Variants in CDK11B observed in about 807,000 individuals in gnomAD.
The protein encoded by CDK11B is cyclin-dependent kinase 11B.
CDK11B carries 37 observed loss-of-function variants against 84.0 expected under a neutral mutation model. The ratio of observed to expected loss-of-function variants is 0.44; its 90% CI spans 0.34 to 0.58. The LOEUF (loss-of-function observed/expected upper bound fraction) is 0.58, where lower values mean the gene tolerates loss of function less well. Ranked by LOEUF, CDK11B falls within the 20% of genes least tolerant of loss-of-function variation. The probability of loss-of-function intolerance (pLI) is 0.02; values close to 1 mark genes in which losing one functional copy is unlikely to be tolerated. For missense variants in CDK11B, 427 were observed against 834.0 expected, an observed-to-expected ratio of 0.51 and a Z score of 6.01; for synonymous variants, 269 against 309.8, an observed-to-expected ratio of 0.87 and a Z score of 1.38.
chr1:1,646,854 T>C, intron 5 of CDK11B: 2 of 519,968 alleles, frequency 3.8e-6, no homozygotes, highest in Non-Finnish European at 7.7e-6. Context: ...CCATTGTTTC[T>C]AAGAAGTCAG....
chr1:1,639,233 G>T lies in CDK11B; in HGVS notation c.1252-643C>A, dbSNP rs1043506147. On this transcript the variant is annotated intron_variant, in intron 11 of 19. Coordinates refer to ENST00000341832, the MANE Select transcript of CDK11B (RefSeq NM_033486.3). ...TGGGATTACAGGTGTGAGCCACTGT[G>T]CCCGGTCAAAACTCCTTTCTACAAA... 2.6e-4 allele frequency among the ~76,000 whole-genome samples: 40 copies of T among 151,774 alleles called. 3 individuals are homozygous for T. The highest frequency in any genetic ancestry group is 5.9e-5 in the Non-Finnish European group (4 of 67,918).
At chr1:1,650,676 T>C (rs1439107577) in intron 4 of CDK11B, among the ~76,000 whole-genome samples, 1 of 149,734 alleles carries the variant, frequency 6.7e-6, no homozygotes, top group Non-Finnish European at 1.5e-5. Flanking sequence ...TTTTTTTTTT[T>C]TTTTTTTTTT....
intron 2 of CDK11B, among the ~76,000 whole-genome samples, chr1:1,655,705 C>T (rs1464940898): frequency 6.6e-5 from 10 of 151,656 alleles, no homozygotes; most frequent in African/African-American, 2.2e-4. Context: ...AGGCGGATCA[C>T]GAGGTCAGGA....
chr1:1,650,472 TCTC>T (rs1641852052), intron 4 of CDK11B, among the ~76,000 whole-genome samples: 1 of 148,798 alleles, frequency 6.7e-6, no homozygotes, highest in Non-Finnish European at 1.5e-5. Context: ...TTCACACCAT[TCTC>T]CTGCCTCAGC....
chr1:1,637,958 G>A (rs1433670390), intron 12 of CDK11B, 75 bp from the exon 13 acceptor site: 48 of 1,589,152 alleles, frequency 3.0e-5, no homozygotes, highest in Non-Finnish European at 4.0e-5. Context: ...GTTCAGTGAG[G>A]ACCGCAGGCA....
intron 11 of CDK11B, among the ~76,000 whole-genome samples, chr1:1,639,885 T>C (rs1205214607): frequency 6.6e-6 from 1 of 151,754 alleles, no homozygotes; most frequent in Non-Finnish European, 1.5e-5. Flanking sequence ...CGCTCCCCCA[T>C]CCAAGCCCTG....
At chr1:1,640,988 G>C in intron 10 of CDK11B, 60 bp downstream of exon 10, 2 of 1,593,492 alleles carry the variant, frequency 1.3e-6, no homozygotes, top group Non-Finnish European at 1.7e-6. Flanking sequence ...TGTCTTAGGA[G>C]AGGGCTGCTG....
At chr1:1,650,370 CTT>C (rs1214383150) in intron 4 of CDK11B, among the ~76,000 whole-genome samples, 2 of 120,538 alleles carry the variant, frequency 1.7e-5, no homozygotes, top group Admixed American at 8.6e-5. Flanking sequence ...TCTTTTTTTT[CTT>C]TTTTTTTTTT....
intron 3 of CDK11B, chr1:1,654,250 C>T (rs757438241): frequency 1.8e-4 from 79 of 439,696 alleles, no homozygotes; most frequent in Non-Finnish European, 2.8e-4. Flanking sequence ...GAAGAAACGT[C>T]GGAACACACA....
intron 11 of CDK11B, among the ~76,000 whole-genome samples, chr1:1,639,186 C>G (rs986396202): frequency 2.0e-5 from 3 of 151,742 alleles, no homozygotes; most frequent in African/African-American, 2.4e-5. Context: ...GATCCGCCCA[C>G]CGCCTCGGCC....
intron 10 of CDK11B, among the ~76,000 whole-genome samples, 160 bp from the exon 11 acceptor site, chr1:1,640,612 A>G (rs6671970): frequency 0.11 from 15,369 of 138,634 alleles, no homozygotes; most frequent in African/African-American, 0.29. Context: ...CCGAGGCCTA[A>G]GAGTGCTGGC....
rs1164880801 is a variant in CDK11B, at chr1:1,655,410, T to G, written c.186A>C (p.Ile62=). ...CTTCTCTTCTATACGGGGAGTTCCT[T>G]ATTGTGATCTCCATGCGGTGATCTC... ...ELRDHRMEIT[I]RNSPYRREDS... Residue 62 remains isoleucine (I), a synonymous_variant, in exon 3 of 20, where the codon ATA becomes ATC. Transcript: ENST00000341832. The G allele has an allele frequency of 1.2e-6, 2 of 1,613,566 alleles. No individual in the cohort carries two copies. The highest frequency in any genetic ancestry group is 2.7e-5 in the African/African-American group (2 of 75,028).
intron 5 of CDK11B, among the ~76,000 whole-genome samples, chr1:1,647,900 T>C (rs1268902396): frequency 6.6e-6 from 1 of 152,202 alleles, no homozygotes; most frequent in African/African-American, 2.4e-5. Flanking sequence ...CCTGTCCCAG[T>C]GGAACCTCCG....
intron 5 of CDK11B, 129 bp downstream of exon 5, chr1:1,649,370 G>C: frequency 1.5e-6 from 1 of 677,386 alleles, no homozygotes; most frequent in South Asian, 1.9e-5. Context: ...CAAAGTGCTG[G>C]GATTACAGGC....
At chr1:1,654,464 G>A (rs2100998799) in intron 3 of CDK11B, among the ~76,000 whole-genome samples, 1 of 152,092 alleles carries the variant, frequency 6.6e-6, no homozygotes, top group Non-Finnish European at 1.5e-5. Context: ...TTTATTTTGT[G>A]TAGAGACGAG....
In CDK11B at chr1:1,637,851, C is replaced by A; in HGVS notation, c.1375G>T (p.Glu459Ter). ...ATCGGGAAGCCCTCCTTCTCCTTCT[C>A]CATCTTCAGCCGCTTTAGAGCCACA... ...EIVALKRLKM[E>*]KEKEGFPITS... The change falls in exon 13 of 20, where the codon GAG (glutamate) becomes TAG (stop). Residue 459 changes from glutamate (E) to a stop codon, truncating the protein, a stop_gained. Coordinates refer to ENST00000341832, the MANE Select transcript of CDK11B (RefSeq NM_033486.3). LOFTEE classifies it high-confidence loss of function. 1 of 1,613,668 alleles carries A rather than the reference C, an allele frequency of 6.2e-7. No individual in the cohort carries two copies. The highest frequency in any genetic ancestry group is 8.5e-7 in the Non-Finnish European group (1 of 1,179,644).
rs574549646 is a variant in CDK11B, at chr1:1,636,789, T to G, written c.1810A>C (p.Thr604Pro). The part of the protein sequence containing the change: ...ELLLGAKEYS[T>P]AVDMWSVGCI... ...CCCACTGACCACATGTCCACGGCCG[T>G]GGAGTATTCCTAAGAGGTCAGGAGA... The change falls in exon 17 of 20, where the codon ACG (threonine) becomes CCG (proline). Residue 604 changes from threonine (T) to proline (P), a missense_variant. Physicochemically the swap from Thr to Pro is conservative, Grantham distance 38. Coordinates refer to ENST00000341832, the MANE Select transcript of CDK11B (RefSeq NM_033486.3). 1 of 1,613,580 alleles carries G rather than the reference T, an allele frequency of 6.2e-7. No individual in the cohort carries two copies. The highest frequency in any genetic ancestry group is 1.3e-5 in the African/African-American group (1 of 74,832).
chr1:1,650,370 C>CTTTTT (rs1214383150), intron 4 of CDK11B, among the ~76,000 whole-genome samples: 1 of 120,556 alleles, frequency 8.3e-6, no homozygotes, highest in African/African-American at 3.3e-5. Context: ...TCTTTTTTTT[C>CTTTTT]TTTTTTTTTT....
intron 6 of CDK11B, among the ~76,000 whole-genome samples, chr1:1,643,629 G>A (rs1261734839): frequency 2.1e-5 from 3 of 145,672 alleles, no homozygotes; most frequent in Non-Finnish European, 4.4e-5. Flanking sequence ...TGAACACGAC[G>A]GAAATATCAA....
Sources: allele counts gnomAD v4.1 joint callset (sites outside exome capture counted in the v4.1 genomes callset), GRCh38; gene constraint gnomAD v4.1.1; transcripts MANE v1.5; gene names NCBI Gene and HGNC (gene_info 2026-07-23, HGNC 2026-07-21).